KATNAL1: variants seen among roughly 807,000 people sequenced by gnomAD.
KATNAL1 encodes the protein katanin catalytic subunit A1 like 1.
In KATNAL1, 32 loss-of-function variants were observed where a neutral mutation model predicts 55.2. That is an observed-to-expected ratio of 0.58 (90% CI 0.44 to 0.78). The LOEUF is 0.78. Ranked by LOEUF, KATNAL1 falls within the 30% of genes least tolerant of loss-of-function variation. KATNAL1 has a pLI of 0.00. For synonymous variants in KATNAL1, 193 were observed against 193.6 expected (o/e 1.00, Z 0.02); for missense variants, 466 against 600.9 (o/e 0.78, Z 2.35).
At chr13:30,258,511 A>C (rs544420804) in intron 3 of KATNAL1, among the ~76,000 whole-genome samples, 24 of 152,298 alleles carry the variant, frequency 1.6e-4, no homozygotes, top group Admixed American at 1.5e-3. Context: ...TCTGTTATAA[A>C]GGTATTTTAC....
At chr13:30,275,618 T>G (rs1880785891) in intron 3 of KATNAL1, among the ~76,000 whole-genome samples, 1 of 152,252 alleles carries the variant, frequency 6.6e-6, no homozygotes, top group South Asian at 2.1e-4. Flanking sequence ...TCATGCAAGA[T>G]AAGTTCTAGA....
At chr13:30,296,683 C>A (rs1882522833) in intron 1 of KATNAL1, 2 of 641,812 alleles carry the variant, frequency 3.1e-6, no homozygotes. Flanking sequence ...GGCAGTGACA[C>A]AATTAAGCTC....
At chr13:30,239,332 C>T (rs1323774907) in intron 6 of KATNAL1, among the ~76,000 whole-genome samples, 1 of 152,104 alleles carries the variant, frequency 6.6e-6, no homozygotes, top group Admixed American at 6.5e-5. Flanking sequence ...ATTGCTTGAA[C>T]CCAGGAGGCA....
intron 3 of KATNAL1, among the ~76,000 whole-genome samples, chr13:30,257,143 T>C (rs1878862329): frequency 6.6e-6 from 1 of 152,196 alleles, no homozygotes; most frequent in Non-Finnish European, 1.5e-5. Flanking sequence ...ATTGCTCTAT[T>C]TCTAGTATTT....
chr13:30,248,270 G>A (rs527747223), intron 4 of KATNAL1, among the ~76,000 whole-genome samples: 5 of 152,202 alleles, frequency 3.3e-5, no homozygotes, highest in South Asian at 2.1e-4. Flanking sequence ...AAAAAACAAC[G>A]GTGGGTGAGT....
At chr13:30,217,592 T>C (rs1005247823) in intron 9 of KATNAL1, among the ~76,000 whole-genome samples, 1 of 152,166 alleles carries the variant, frequency 6.6e-6, no homozygotes, top group African/African-American at 2.4e-5. Context: ...TAAATGTTGT[T>C]AGAGGAATCA....
intron 10 of KATNAL1, among the ~76,000 whole-genome samples, chr13:30,209,826 G>A (rs540087647): frequency 6.6e-6 from 1 of 152,038 alleles, no homozygotes; most frequent in African/African-American, 2.4e-5. Flanking sequence ...CTGTTGCCCA[G>A]GTTGGAGTGC....
chr13:30,294,758 G>C (rs941938227), intron 1 of KATNAL1, among the ~76,000 whole-genome samples: 1 of 152,192 alleles, frequency 6.6e-6, no homozygotes, highest in Non-Finnish European at 1.5e-5. Context: ...TGGGTTCAAA[G>C]CCTTAAAGGA....
chr13:30,275,566 A>G (rs1027028491), intron 3 of KATNAL1, among the ~76,000 whole-genome samples: 4 of 152,158 alleles, frequency 2.6e-5, no homozygotes, highest in Non-Finnish European at 4.4e-5. Context: ...GCTAGGGGAG[A>G]AGAAAATGGG....
chr13:30,265,229 G>C (rs951380817), intron 3 of KATNAL1, among the ~76,000 whole-genome samples: 3 of 151,412 alleles, frequency 2.0e-5, no homozygotes, highest in Admixed American at 6.6e-5. Context: ...GTTGTGGGGT[G>C]GGGGGACGGG....
At chr13:30,243,741 C>G (rs945381393) in intron 4 of KATNAL1, among the ~76,000 whole-genome samples, 4 of 151,802 alleles carry the variant, frequency 2.6e-5, no homozygotes, top group Non-Finnish European at 5.9e-5. Flanking sequence ...AGTAAGCTAC[C>G]ACGCATCGGA....
chr13:30,290,735 T>C (rs186431085), intron 1 of KATNAL1, among the ~76,000 whole-genome samples: 79 of 152,228 alleles, frequency 5.2e-4, no homozygotes, highest in Admixed American at 5.9e-4. Context: ...AAATAGATAA[T>C]GTATTATGAC....
At chr13:30,274,907 G>GCACACACACA (rs368435407) in intron 3 of KATNAL1, among the ~76,000 whole-genome samples, 212 of 105,406 alleles carry the variant, frequency 2.0e-3, no homozygotes, top group Middle Eastern at 9.8e-3. Context: ...GCGCGCGCGC[G>GCACACACACA]CACACACACA....
intron 6 of KATNAL1, among the ~76,000 whole-genome samples, chr13:30,234,980 C>A (rs569230586): frequency 6.6e-6 from 1 of 152,150 alleles, no homozygotes; most frequent in African/African-American, 2.4e-5. Flanking sequence ...TGGGGGATGA[C>A]CATGCCAGGA....
At chr13:30,273,103 T>C (rs1008656996) in intron 3 of KATNAL1, among the ~76,000 whole-genome samples, 5 of 152,198 alleles carry the variant, frequency 3.3e-5, no homozygotes, top group African/African-American at 4.8e-5. Flanking sequence ...AGCCCATGCA[T>C]CATCAACTTT....
Position 30,205,151 on chromosome 13 carries a change from T to C in KATNAL1, c.*3389A>G, listed in dbSNP as rs895458916. On this transcript the variant is annotated 3_prime_UTR_variant, in exon 11 of 11. Transcript: ENST00000380615. ...TTCTAATTTCAAAACAGATTTAAAG[T>C]GCAAAAAATAGGGGAAAAAAACTTT... The C allele has an allele frequency of 6.6e-6, 1 of 152,124 alleles. No individual in the cohort carries two copies. Among genetic ancestry groups the C allele is most frequent in the African/African-American group, 2.4e-5 (1 of 41,426 alleles). The allele number at this position is 152,124 out of a possible 1,614,324, so 9.4% of individuals were successfully genotyped here.
At chr13:30,251,571 C>A (rs369269766) in intron 4 of KATNAL1, among the ~76,000 whole-genome samples, 2 of 152,166 alleles carry the variant, frequency 1.3e-5, no homozygotes, top group African/African-American at 4.8e-5. Flanking sequence ...TCAGCAGATA[C>A]CAAATCTGCT....
At chr13:30,288,520 T>C (rs1593177991) in intron 1 of KATNAL1, among the ~76,000 whole-genome samples, 3 of 152,310 alleles carry the variant, frequency 2.0e-5, no homozygotes, top group African/African-American at 7.2e-5. Context: ...TTACTTGATA[T>C]TACTTGTGAT....
chr13:30,227,267 CTG>C, intron 9 of KATNAL1, 143 bp downstream of exon 9: 1 of 615,444 alleles, frequency 1.6e-6, no homozygotes, highest in Non-Finnish European at 2.7e-6. Flanking sequence ...CAATAGAGTA[CTG>C]TGGCCTGTGT....
Sources: allele counts gnomAD v4.1 joint callset (sites outside exome capture counted in the v4.1 genomes callset), GRCh38; gene constraint gnomAD v4.1.1; transcripts MANE v1.5; gene names NCBI Gene and HGNC (gene_info 2026-07-23, HGNC 2026-07-21).